The following PLCB1 variants were observed in gnomAD, a reference collection of about 807,000 sequenced individuals.
The protein encoded by PLCB1 is 1-phosphatidylinositol 4,5-bisphosphate phosphodiesterase beta-1.
Under a neutral mutation model 161.8 loss-of-function variants are expected in PLCB1, and 46 were observed. The observed-to-expected ratio is 0.28, with a 90% CI of 0.22 to 0.36. PLCB1 has a LOEUF of 0.36. Among genes scored for constraint, PLCB1 ranks in the 10% least tolerant of loss-of-function variants. The probability of loss-of-function intolerance (pLI) is 1.00; values close to 1 mark genes in which losing one functional copy is unlikely to be tolerated. For missense variants in PLCB1, 1,016 were observed against 1,472.5 expected (o/e 0.69, Z 5.07); for synonymous variants, 517 against 503.7 (o/e 1.03, Z -0.35).
intron 31 of PLCB1, among the ~76,000 whole-genome samples, chr20:8,794,355 A>T (rs1983914894): frequency 6.6e-6 from 1 of 152,358 alleles, no homozygotes; most frequent in East Asian, 1.9e-4. Context: ...AGAAATTATA[A>T]AAGTATTAAT....
chr20:8,515,448 G>A (rs529294702), intron 3 of PLCB1, among the ~76,000 whole-genome samples: 96 of 152,250 alleles, frequency 6.3e-4, no homozygotes, highest in Middle Eastern at 3.4e-3. Flanking sequence ...TGCTGTGAGC[G>A]TGTGTTAGTG....
Position 8,238,715 on chromosome 20 carries a change from G to A in PLCB1, c.177+88344G>A, listed in dbSNP as rs1168007517. 2.0e-5 allele frequency among the ~76,000 whole-genome samples: 3 copies of A among 151,944 alleles called. No individual in the cohort carries two copies. The East Asian group carries it at 5.8e-4, about 29-fold the overall frequency. ...AAGACAGGCTCAAGGAAAACGGAAAGGGGGCAAAATTGCGGGAAGTGTTTG... is the reference window on the plus strand; with the variant it reads ...AAGACAGGCTCAAGGAAAACGGAAAAGGGGCAAAATTGCGGGAAGTGTTTG... On this transcript the variant is annotated intron_variant, in intron 2 of 31. Coordinates refer to ENST00000338037, the MANE Select transcript of PLCB1 (RefSeq NM_015192.4).
At chr20:8,562,615 C>T (rs527453075) in intron 3 of PLCB1, among the ~76,000 whole-genome samples, 6 of 152,070 alleles carry the variant, frequency 3.9e-5, no homozygotes, top group Non-Finnish European at 8.8e-5. Flanking sequence ...TGCAGTCTTT[C>T]AGCCAAACAG....
At chr20:8,741,321 G>A (rs1478617413) in intron 22 of PLCB1, 143 bp from the exon 23 acceptor site, 2 of 565,118 alleles carry the variant, frequency 3.5e-6, no homozygotes, top group East Asian at 6.3e-5. Context: ...ATGACTGGGT[G>A]GATGGATGGA....
At chr20:8,170,051 T>C (rs897284946) in intron 2 of PLCB1, among the ~76,000 whole-genome samples, 1 of 152,168 alleles carries the variant, frequency 6.6e-6, no homozygotes, top group Non-Finnish European at 1.5e-5. Flanking sequence ...TACACTGATA[T>C]ATTCCTCCTG....
intron 2 of PLCB1, among the ~76,000 whole-genome samples, chr20:8,261,667 G>T (rs1981704957): frequency 6.6e-6 from 1 of 152,088 alleles, no homozygotes; most frequent in Non-Finnish European, 1.5e-5. Flanking sequence ...ATTTATTGAA[G>T]GTGACAGTGG....
At chr20:8,504,851 C>G (rs6086475) in intron 3 of PLCB1, among the ~76,000 whole-genome samples, 2,595 of 152,262 alleles carry the variant, frequency 0.017, 26 homozygotes, top group Non-Finnish European at 0.026. Context: ...GCTTTTCTCT[C>G]TGGAAGGAAG....
At chr20:8,468,455 A>C (rs1408005629) in intron 3 of PLCB1, among the ~76,000 whole-genome samples, 6 of 152,142 alleles carry the variant, frequency 3.9e-5, no homozygotes, top group Admixed American at 3.9e-4. Context: ...TTGGAAACTA[A>C]GTTTCCTCAT....
rs149050283 is a variant in PLCB1, at chr20:8,208,136, C to T, written c.177+57765C>T. Among the ~76,000 whole-genome samples the T allele has an allele frequency of 7.4e-3, 1,132 of 152,096 alleles. 14 individuals are homozygous for T. Among genetic ancestry groups the T allele is most frequent in the African/African-American group, 0.024 (1,003 of 41,492 alleles). ...GACTAGACAGATATTTGAACCACAC[C>T]GTAGATAACTGTTTTGATTTTTTCT... On this transcript the variant is annotated intron_variant, in intron 2 of 31. Coordinates refer to ENST00000338037, the MANE Select transcript of PLCB1 (RefSeq NM_015192.4).
At chr20:8,168,386 A>G (rs577780992) in intron 2 of PLCB1, among the ~76,000 whole-genome samples, 1 of 152,334 alleles carries the variant, frequency 6.6e-6, no homozygotes, top group South Asian at 2.1e-4. Flanking sequence ...GGCAATATGA[A>G]GTACCCCACC....
chr20:8,780,121 C>A (rs1983139824), intron 27 of PLCB1, among the ~76,000 whole-genome samples: 1 of 152,160 alleles, frequency 6.6e-6, no homozygotes, highest in South Asian at 2.1e-4. Context: ...TCAACTGCTA[C>A]TGGTTAAACC....
intron 2 of PLCB1, among the ~76,000 whole-genome samples, chr20:8,225,611 A>G (rs1379799546): frequency 6.6e-6 from 1 of 152,238 alleles, no homozygotes; most frequent in Non-Finnish European, 1.5e-5. Flanking sequence ...GGTATTATAG[A>G]GTCTACTTTC....
At chr20:8,288,920 A>G (rs536831895) in intron 2 of PLCB1, among the ~76,000 whole-genome samples, 4 of 152,290 alleles carry the variant, frequency 2.6e-5, no homozygotes, top group Admixed American at 1.3e-4. Context: ...ACTAGATACC[A>G]TAAGCTCCAG....
intron 3 of PLCB1, among the ~76,000 whole-genome samples, chr20:8,399,854 A>G (rs1436524021): frequency 1.3e-5 from 2 of 152,190 alleles, no homozygotes; most frequent in African/African-American, 4.8e-5. Context: ...AAAAATAAGA[A>G]AAAAAACCTT....
intron 3 of PLCB1, among the ~76,000 whole-genome samples, chr20:8,595,719 A>T (rs1987321427): frequency 3.3e-5 from 5 of 150,036 alleles, no homozygotes; most frequent in African/African-American, 1.2e-4. Flanking sequence ...TCCCACCAAC[A>T]GTGTAAAAGT....
chr20:8,722,278 T>C, intron 14 of PLCB1, 76 bp from the exon 15 acceptor site: 1 of 1,081,602 alleles, frequency 9.2e-7, no homozygotes, highest in South Asian at 1.5e-5. Flanking sequence ...TGATTTTAGG[T>C]AAAATATGTG....
At chr20:8,628,112 G>C (rs1407032035) in intron 3 of PLCB1, among the ~76,000 whole-genome samples, 182 bp from the exon 4 acceptor site, 1 of 152,104 alleles carries the variant, frequency 6.6e-6, no homozygotes, top group Admixed American at 6.5e-5. Context: ...CACTACCTCT[G>C]GGCAAGTTGC....
intron 3 of PLCB1, among the ~76,000 whole-genome samples, chr20:8,407,746 C>A (rs553099885): frequency 6.6e-6 from 1 of 152,026 alleles, no homozygotes; most frequent in South Asian, 2.1e-4. Context: ...ATCAGGTCAA[C>A]ATTTTCAGTA....
intron 2 of PLCB1, among the ~76,000 whole-genome samples, chr20:8,193,040 T>A (rs1283760597): frequency 6.6e-6 from 1 of 152,018 alleles, no homozygotes; most frequent in East Asian, 1.9e-4. Context: ...AGCCCAGGAA[T>A]TTCTGCCTTT....
Sources: gnomAD v4.1 joint callset for allele counts (sites outside exome capture counted in the v4.1 genomes callset) on GRCh38, gnomAD v4.1.1 for gene constraint, MANE v1.5 for transcripts, NCBI Gene and HGNC (gene_info 2026-07-23, HGNC 2026-07-21) for gene names.